The following ADCY9 variants were observed in gnomAD, a reference collection of about 807,000 sequenced individuals.
ADCY9 encodes the protein adenylate cyclase type 9.
In ADCY9, 50 loss-of-function variants were observed where a neutral mutation model predicts 101.5. That is an observed-to-expected ratio of 0.49 (90% CI 0.39 to 0.62). ADCY9 has a LOEUF of 0.62. Among genes scored for constraint, ADCY9 ranks in the 20% least tolerant of loss-of-function variants. The probability of loss-of-function intolerance (pLI) is 0.00; values close to 1 mark genes in which losing one functional copy is unlikely to be tolerated. For synonymous variants in ADCY9, 905 were observed against 769.3 expected, an observed-to-expected ratio of 1.18 and a Z score of -2.92; for missense variants, 1,662 against 1,800.4, an observed-to-expected ratio of 0.92 and a Z score of 1.39.
intron 10 of ADCY9, among the ~76,000 whole-genome samples, chr16:3,972,792 T>C (rs902143495): frequency 4.6e-5 from 7 of 151,684 alleles, no homozygotes; most frequent in South Asian, 2.1e-4. Flanking sequence ...AGCGGTGGGG[T>C]TGGAGGGCTT....
intron 2 of ADCY9, among the ~76,000 whole-genome samples, chr16:4,034,598 T>G (rs952428745): frequency 6.6e-6 from 1 of 151,650 alleles, no homozygotes; most frequent in Admixed American, 6.6e-5. Context: ...TTAGTAGGGG[T>G]TTATTAGATG....
chr16:4,015,981 A>G (rs1460773184), intron 2 of ADCY9, among the ~76,000 whole-genome samples: 1 of 148,232 alleles, frequency 6.7e-6, no homozygotes, highest in Non-Finnish European at 1.5e-5. Flanking sequence ...AAAATAAAAG[A>G]AAAAGAAAAC....
intron 2 of ADCY9, among the ~76,000 whole-genome samples, chr16:4,026,515 T>A (rs1203135657): frequency 6.6e-6 from 1 of 151,508 alleles, no homozygotes; most frequent in African/African-American, 2.4e-5. Context: ...AAATCAAACC[T>A]TATGTTTACA....
chr16:4,103,959 C>T (rs919624805), intron 2 of ADCY9, among the ~76,000 whole-genome samples: 3 of 152,294 alleles, frequency 2.0e-5, no homozygotes, highest in African/African-American at 7.2e-5. Context: ...ACGCCTACGA[C>T]GACGCTGCTG....
At chr16:3,970,996 T>G (rs1478624358) in intron 10 of ADCY9, among the ~76,000 whole-genome samples, 6 of 152,164 alleles carry the variant, frequency 3.9e-5, no homozygotes, top group Admixed American at 3.3e-4. Context: ...GAGCTGGGAT[T>G]TGGGGAGGGT....
intron 7 of ADCY9, among the ~76,000 whole-genome samples, chr16:3,979,839 G>T (rs941005699): frequency 5.9e-5 from 9 of 152,274 alleles, no homozygotes; most frequent in Non-Finnish European, 1.3e-4. Context: ...TGCAAAGGCA[G>T]AAGGCTGCTG....
intron 2 of ADCY9, among the ~76,000 whole-genome samples, chr16:4,041,884 T>C (rs960353893): frequency 3.4e-5 from 5 of 148,910 alleles, no homozygotes; most frequent in African/African-American, 1.2e-4. Context: ...CCCAAGTAGC[T>C]GGGACCTCAG....
At chr16:4,096,389 T>A (rs2057004308) in intron 2 of ADCY9, among the ~76,000 whole-genome samples, 1 of 152,216 alleles carries the variant, frequency 6.6e-6, no homozygotes, top group South Asian at 2.1e-4. Context: ...AGAGATTAAA[T>A]TATTTGCCCA....
At chr16:3,978,410 GCA>G (rs1433347865) in intron 8 of ADCY9, among the ~76,000 whole-genome samples, 1 of 152,214 alleles carries the variant, frequency 6.6e-6, no homozygotes, top group Non-Finnish European at 1.5e-5. Flanking sequence ...ACGGAGTTTA[GCA>G]CAGTTCCCTT....
chr16:4,085,525 G>C lies in ADCY9; in HGVS notation c.1693+28225C>G, dbSNP rs75181571. Among the ~76,000 whole-genome samples, 1,431 of 152,232 alleles carry C rather than the reference G, an allele frequency of 9.4e-3. 23 individuals carry two copies. The highest frequency in any genetic ancestry group is 0.032 in the African/African-American group (1,323 of 41,582). Reference sequence around the variant, plus strand: ...AAAAGCAACTCCTGGTCAGAGCAGGGAGGAACTCATCTAAAGGGGAGGCTC... The same window carrying C: ...AAAAGCAACTCCTGGTCAGAGCAGGCAGGAACTCATCTAAAGGGGAGGCTC... On this transcript the variant is annotated intron_variant, in intron 2 of 10. Transcript: ENST00000294016.
chr16:3,976,287 C>T (rs988376617), intron 9 of ADCY9, among the ~76,000 whole-genome samples: 14 of 152,150 alleles, frequency 9.2e-5, no homozygotes, highest in East Asian at 1.9e-4. Context: ...GCACCAAGAC[C>T]GGCTGGGACT....
At chr16:3,957,650 G>A (rs1244268692) in intron 5 of ADCY9, among the ~76,000 whole-genome samples, 3 of 152,122 alleles carry the variant, frequency 2.0e-5, no homozygotes, top group Non-Finnish European at 4.4e-5. Context: ...GGTTCCCACA[G>A]GCCAGTTCTG....
intron 2 of ADCY9, among the ~76,000 whole-genome samples, chr16:4,088,001 G>T (rs368304353): frequency 6.7e-6 from 1 of 149,880 alleles, no homozygotes; most frequent in East Asian, 2.0e-4. Flanking sequence ...AGCAGTGTGA[G>T]CTCAAGCAAT....
intron 10 of ADCY9, among the ~76,000 whole-genome samples, chr16:3,970,237 C>T (rs1320599124): frequency 6.6e-6 from 1 of 152,130 alleles, no homozygotes. Context: ...CGCCATCTTG[C>T]CCAGGCTGGT....
At chr16:3,995,603 ATTTTTTT>A (rs34724133) in intron 3 of ADCY9, among the ~76,000 whole-genome samples, 1 of 146,412 alleles carries the variant, frequency 6.8e-6, no homozygotes, top group East Asian at 2.0e-4. Context: ...CAAGAAATAT[ATTTTTTT>A]TTTTTTTTGG....
intron 2 of ADCY9, among the ~76,000 whole-genome samples, chr16:4,017,826 T>C (rs1336751987): frequency 6.6e-6 from 1 of 152,142 alleles, no homozygotes; most frequent in Non-Finnish European, 1.5e-5. Context: ...CCAAGAATCA[T>C]CCAATTTGCA....
chr16:4,035,789 G>A (rs932266035), intron 2 of ADCY9, among the ~76,000 whole-genome samples: 5 of 151,812 alleles, frequency 3.3e-5, no homozygotes, highest in East Asian at 1.9e-4. Flanking sequence ...ACCTGAGGTC[G>A]GGAGTTTTGA....
intron 2 of ADCY9, among the ~76,000 whole-genome samples, chr16:4,025,385 A>AAC (rs1391204251): frequency 2.7e-5 from 4 of 149,082 alleles, no homozygotes; most frequent in Admixed American, 6.7e-5. Context: ...CAAAAAAAAA[A>AAC]AAAAAGAAGT....
At chr16:3,993,275 C>A in intron 4 of ADCY9, 131 bp downstream of exon 4, 1 of 1,463,470 alleles carries the variant, frequency 6.8e-7, no homozygotes, top group Non-Finnish European at 9.1e-7. Context: ...CCCGGAGGAC[C>A]CGCGGGTGCG....
Sources: allele counts gnomAD v4.1 joint callset (sites outside exome capture counted in the v4.1 genomes callset), GRCh38; gene constraint gnomAD v4.1.1; transcripts MANE v1.5; gene names NCBI Gene and HGNC (gene_info 2026-07-23, HGNC 2026-07-21).